The following ARSF variants were observed in gnomAD, a reference collection of about 807,000 sequenced individuals.
ARSF encodes arylsulfatase F.
In ARSF, 33 loss-of-function variants were observed where a neutral mutation model predicts 35.4. The observed-to-expected ratio is 0.93, with a 90% CI of 0.71 to 1.25. The LOEUF (loss-of-function observed/expected upper bound fraction) is 1.25, where lower values mean the gene tolerates loss of function less well. Among genes scored for constraint, ARSF ranks in the 50% most tolerant of loss-of-function variants. The pLI is 0.00. For synonymous variants in ARSF, 222 were observed against 193.1 expected (o/e 1.15, Z -1.24); for missense variants, 501 against 480.2 (o/e 1.04, Z -0.40).
At chrX:3,097,863 T>C (rs951481397) in intron 7 of ARSF, among the ~76,000 whole-genome samples, 1 of 110,830 alleles carries the variant, frequency 9.0e-6, no homozygotes, top group Non-Finnish European at 1.9e-5. Flanking sequence ...AAATCCTGTC[T>C]CTACTAAAAA....
At chrX:3,077,485 A>T (rs899954704) in intron 4 of ARSF, among the ~76,000 whole-genome samples, 1 of 110,213 alleles carries the variant, frequency 9.1e-6, no homozygotes, top group African/African-American at 3.3e-5. Flanking sequence ...CTAAAAATAC[A>T]AAAATTAGCC....
chrX:3,058,297 C>T (rs997781262), intron 1 of ARSF: 13 of 116,019 alleles, frequency 1.1e-4, no homozygotes, highest in South Asian at 9.6e-4. Context: ...ACTATCAGCA[C>T]GAGAGTTTTG....
chrX:3,068,176 G>A (rs1483218820), intron 2 of ARSF, 65 bp downstream of exon 2: 2 of 1,067,304 alleles, frequency 1.9e-6, no homozygotes, highest in Non-Finnish European at 2.5e-6. Flanking sequence ...GTGTATTTGT[G>A]AATCCAGCCT....
At chrX:3,100,442 T>C (rs1182883271) in intron 7 of ARSF, among the ~76,000 whole-genome samples, 1 of 112,603 alleles carries the variant, frequency 8.9e-6, no homozygotes, top group Non-Finnish European at 1.9e-5. Flanking sequence ...CTCTGTTTAA[T>C]GTTTTCATTC....
intron 3 of ARSF, among the ~76,000 whole-genome samples, chrX:3,074,593 GT>G (rs1386789764): frequency 9.0e-6 from 1 of 111,453 alleles, no homozygotes; most frequent in Non-Finnish European, 1.9e-5. Context: ...ACATCATGAT[GT>G]TTTGATTCAT....
chrX:3,047,059 G>A (rs1789022551), intron 1 of ARSF, among the ~76,000 whole-genome samples: 1 of 111,405 alleles, frequency 9.0e-6, no homozygotes, highest in African/African-American at 3.3e-5. Flanking sequence ...TGCGGCCCGC[G>A]GGCCGTGGAT....
At chrX:3,068,138 G>A in intron 2 of ARSF, 27 bp downstream of exon 2, 3 of 1,183,960 alleles carry the variant, frequency 2.5e-6, no homozygotes, top group Non-Finnish European at 3.4e-6. Flanking sequence ...ACTGCATTGT[G>A]AGCACATTGA....
chrX:3,072,060 C>T lies in ARSF; in HGVS notation c.46C>T (p.Leu16Phe). 2 of 1,202,741 alleles carry T rather than the reference C, an allele frequency of 1.7e-6. No homozygotes were observed. The highest frequency in any genetic ancestry group is 3.0e-5 in the East Asian group (1 of 33,806). The change falls in exon 3 of 11, where the codon CTC becomes TTC. Residue 16 changes from leucine (L) to phenylalanine (F), a missense_variant. By Grantham distance (22) the Leu-to-Phe change is conservative. Transcript: ENST00000381127. ...PLVFMSLVCA[L>F]LNTCQAHRVH... The stretch of plus-strand genomic sequence containing the variant: ...GGTCTTCATGTCTTTGGTGTGTGCA[C>T]TCTTGAACACATGCCAGGCACACAG...
chrX:3,102,854 G>A (rs1386826783), intron 8 of ARSF, among the ~76,000 whole-genome samples: 1 of 110,248 alleles, frequency 9.1e-6, no homozygotes, highest in African/African-American at 3.3e-5. Flanking sequence ...GGAGGTTGCA[G>A]TGAGCCGCGA....
intron 1 of ARSF, among the ~76,000 whole-genome samples, chrX:3,046,105 C>G (rs1314798830): frequency 8.1e-5 from 9 of 111,089 alleles, no homozygotes; most frequent in Middle Eastern, 4.2e-3. Context: ...AGGCTGGTCT[C>G]GAACTCCTAA....
At chrX:3,066,680 C>T (rs942877020) in intron 1 of ARSF, among the ~76,000 whole-genome samples, 63 of 111,410 alleles carry the variant, frequency 5.7e-4, no homozygotes, top group African/African-American at 1.9e-3. Flanking sequence ...GTTGCAAATG[C>T]GGGCTGCAGA....
intron 2 of ARSF, among the ~76,000 whole-genome samples, chrX:3,068,660 A>G (rs903174747): frequency 1.3e-4 from 15 of 111,624 alleles, no homozygotes; most frequent in African/African-American, 4.6e-4. Context: ...CCTGGGCTCA[A>G]GGAATCCCCC....
intron 3 of ARSF, among the ~76,000 whole-genome samples, chrX:3,074,563 G>A (rs754672738): frequency 1.4e-4 from 16 of 111,405 alleles, no homozygotes; most frequent in Non-Finnish European, 3.0e-4. Flanking sequence ...ACGAATTATA[G>A]TTCTGTGTAT....
intron 6 of ARSF, among the ~76,000 whole-genome samples, chrX:3,088,081 T>G (rs1039706326): frequency 1.8e-5 from 2 of 112,171 alleles, no homozygotes; most frequent in African/African-American, 6.5e-5. Context: ...AGCTGAGGAC[T>G]TATCATTCAT....
intron 7 of ARSF, among the ~76,000 whole-genome samples, chrX:3,099,123 A>G (rs149512332): frequency 9.0e-6 from 1 of 111,608 alleles, no homozygotes; most frequent in African/African-American, 3.2e-5. Context: ...AGATGCAGAT[A>G]TGATGTTCAT....
At chrX:3,070,073 C>A (rs1409744587) in intron 2 of ARSF, among the ~76,000 whole-genome samples, 1 of 111,855 alleles carries the variant, frequency 8.9e-6, no homozygotes, top group East Asian at 2.8e-4. Context: ...CAGCTCCCAG[C>A]AGGCATCATT....
chrX:3,079,875 C>A (rs1442607078), intron 4 of ARSF, among the ~76,000 whole-genome samples: 1 of 102,461 alleles, frequency 9.8e-6, no homozygotes, highest in Admixed American at 1.1e-4. Flanking sequence ...AGGAGAATTG[C>A]TTGAACTCAG....
intron 6 of ARSF, among the ~76,000 whole-genome samples, chrX:3,087,155 A>G (rs1009688702): frequency 4.5e-5 from 5 of 111,941 alleles, no homozygotes; most frequent in African/African-American, 9.7e-5. Context: ...CCCATCTGCA[A>G]AAACCTTTTA....
At chrX:3,091,682 T>A (rs997377613) in intron 7 of ARSF, among the ~76,000 whole-genome samples, 1 of 112,301 alleles carries the variant, frequency 8.9e-6, no homozygotes. Context: ...CATGAATAGA[T>A]GTTTATGTAG....
Sources: allele counts gnomAD v4.1 joint callset (sites outside exome capture counted in the v4.1 genomes callset), GRCh38; gene constraint gnomAD v4.1.1; transcripts MANE v1.5; gene names NCBI Gene and HGNC (gene_info 2026-07-23, HGNC 2026-07-21).